The following RAB21 variants were observed in gnomAD, a reference collection of about 807,000 sequenced individuals.
The protein encoded by RAB21 is RAB21, member RAS oncogene family, also known as ras-related protein Rab-21.
RAB21 carries 13 observed loss-of-function variants against 33.1 expected under a neutral mutation model. That is an observed-to-expected ratio of 0.39 (90% CI 0.26 to 0.62). The LOEUF (loss-of-function observed/expected upper bound fraction) is 0.62. Among genes scored for constraint, RAB21 ranks in the 20% least tolerant of loss-of-function variants. The pLI, the probability that RAB21 is intolerant of heterozygous loss-of-function variation, is 0.48. For synonymous variants in RAB21, 91 were observed against 103.7 expected (o/e 0.88, Z 0.74); for missense variants, 234 against 279.1 (o/e 0.84, Z 1.15).
intron 3 of RAB21, among the ~76,000 whole-genome samples, chr12:71,773,352 G>T (rs536517657): frequency 1.4e-4 from 21 of 152,216 alleles, no homozygotes; most frequent in Non-Finnish European, 2.6e-4. Flanking sequence ...TGGGTAGGAA[G>T]TCAGGGATGT....
In RAB21 at chr12:71,786,409, A is replaced by C. The variant is rs562542679; in HGVS notation, c.*736A>C. 1 of 152,710 alleles carries C rather than the reference A, an allele frequency of 6.5e-6. No individual in the cohort carries two copies. The highest frequency in any genetic ancestry group is 1.9e-4 in the East Asian group (1 of 5,192). The allele number at this position is 152,710 out of a possible 1,614,324, so 9.5% of individuals were successfully genotyped here. On this transcript the variant is annotated 3_prime_UTR_variant, in exon 7 of 7. Coordinates refer to ENST00000261263, the MANE Select transcript of RAB21 (RefSeq NM_014999.4). The stretch of plus-strand genomic sequence containing the variant: ...TGGTAGTTGAAATTGTATCACTTCT[A>C]AACAGCAAACTGTTTTTGTTTTTAA...
chr12:71,781,500 C>T (rs1883199958), intron 4 of RAB21, among the ~76,000 whole-genome samples: 2 of 152,030 alleles, frequency 1.3e-5, no homozygotes, highest in South Asian at 4.1e-4. Context: ...AGTTTTTCCC[C>T]TTATGATTGT....
At chr12:71,775,683 C>T (rs900948764) in intron 4 of RAB21, among the ~76,000 whole-genome samples, 7 of 152,158 alleles carry the variant, frequency 4.6e-5, no homozygotes, top group African/African-American at 1.4e-4. Flanking sequence ...ACTACAGGCA[C>T]GCACCACCAC....
At chr12:71,760,233 C>A (rs542352405) in intron 1 of RAB21, among the ~76,000 whole-genome samples, 1 of 152,080 alleles carries the variant, frequency 6.6e-6, no homozygotes, top group African/African-American at 2.4e-5. Flanking sequence ...TCTACATTTC[C>A]GGAATTCACT....
chr12:71,784,268 A>C (rs1282840046), intron 6 of RAB21, among the ~76,000 whole-genome samples: 3 of 151,944 alleles, frequency 2.0e-5, no homozygotes, highest in African/African-American at 7.3e-5. Context: ...CATTTTTCTT[A>C]CCTGTGTCTC....
intron 1 of RAB21, among the ~76,000 whole-genome samples, chr12:71,763,328 G>A (rs758660619): frequency 3.9e-5 from 6 of 152,094 alleles, no homozygotes; most frequent in Non-Finnish European, 5.9e-5. Context: ...AGCAAGCACA[G>A]CAAATGGTCC....
At chr12:71,770,114 T>A (rs1883020074) in intron 2 of RAB21, among the ~76,000 whole-genome samples, 1 of 152,134 alleles carries the variant, frequency 6.6e-6, no homozygotes, top group African/African-American at 2.4e-5. Flanking sequence ...TGCCTGGCCT[T>A]TTTTTCCCCA....
intron 1 of RAB21, among the ~76,000 whole-genome samples, chr12:71,763,758 C>T (rs1315738487): frequency 6.6e-6 from 1 of 152,020 alleles, no homozygotes; most frequent in African/African-American, 2.4e-5. Flanking sequence ...TTGTGCCTAC[C>T]CTGAGAATAT....
chr12:71,781,900 A>T (rs1036095237), intron 4 of RAB21, 131 bp from the exon 5 acceptor site: 2 of 655,470 alleles, frequency 3.1e-6, no homozygotes, highest in Non-Finnish European at 5.3e-6. Context: ...ATTTCAAGAC[A>T]TTAGAAGTCT....
At position 71,791,968 on chromosome 12, in the gene RAB21, A is replaced by C. The variant is rs1331152500; in HGVS notation, c.*6295A>C. 17 of 152,194 alleles carry C rather than the reference A, an allele frequency of 1.1e-4. No individual in the cohort carries two copies. The highest frequency in any genetic ancestry group is 2.5e-4 in the Non-Finnish European group (17 of 68,068). The allele number at this position is 152,194 out of a possible 1,614,324, so 9.4% of individuals were successfully genotyped here. Reference sequence around the variant, plus strand: ...CAGCCTCAAACTCCTGGGCTTAAGCAATCCTCCCACCTCAGACTTCGAAGT... The same window carrying C: ...CAGCCTCAAACTCCTGGGCTTAAGCCATCCTCCCACCTCAGACTTCGAAGT... On this transcript the variant is annotated 3_prime_UTR_variant, in exon 7 of 7. Coordinates refer to ENST00000261263, the MANE Select transcript of RAB21 (RefSeq NM_014999.4).
At chr12:71,760,880 G>A (rs1882862719) in intron 1 of RAB21, among the ~76,000 whole-genome samples, 1 of 152,114 alleles carries the variant, frequency 6.6e-6, no homozygotes, top group Non-Finnish European at 1.5e-5. Flanking sequence ...TAGGCAGGTA[G>A]TATCCTAACA....
intron 2 of RAB21, 149 bp downstream of exon 2, chr12:71,770,008 T>A (rs1365556323): frequency 2.4e-6 from 1 of 421,058 alleles, no homozygotes; most frequent in Non-Finnish European, 4.1e-6. Flanking sequence ...GGAATATAAT[T>A]GTATATTTGA....
In RAB21 at chr12:71,781,800, G is replaced by A. The variant is rs576004003; in HGVS notation, c.392-231G>A. Reference sequence around the variant, plus strand: ...TTTGGAAAAGTTGTTTTCTTTGTCAGAGGCTGCAGATTCAGGAAAGGTATG... The same window carrying A: ...TTTGGAAAAGTTGTTTTCTTTGTCAAAGGCTGCAGATTCAGGAAAGGTATG... On this transcript the variant is annotated intron_variant, in intron 4 of 6. Transcript: ENST00000261263. Among the ~76,000 whole-genome samples the A allele has an allele frequency of 4.6e-5, 7 of 152,280 alleles. No homozygotes were observed. The East Asian group carries it at 1.2e-3, about 25-fold the overall frequency.
rs1203121928 is a variant in RAB21 at position 71,790,497 on chromosome 12, A to G, written c.*4824A>G. 6.6e-6 allele frequency: 1 copy of G among 152,170 alleles called. No homozygotes were observed. Among genetic ancestry groups the G allele is most frequent in the Non-Finnish European group, 1.5e-5 (1 of 68,022 alleles). 9.4% of individuals were successfully genotyped at this position (152,170 alleles called of 1,614,324 possible). The stretch of plus-strand genomic sequence containing the variant: ...GCTTTAGTAGCAAGCTATTTTAAGG[A>G]AATCATTGTATGTGGTACTTCCTAG... On this transcript the variant is annotated 3_prime_UTR_variant, in exon 7 of 7. Transcript: ENST00000261263.
chr12:71,783,626 G>C (rs955823286), intron 6 of RAB21, among the ~76,000 whole-genome samples: 1 of 152,086 alleles, frequency 6.6e-6, no homozygotes, highest in Non-Finnish European at 1.5e-5. Flanking sequence ...CAAGCCTGCC[G>C]AATCAGAATT....
Position 71,790,874 on chromosome 12 carries a change from CT to C in RAB21, c.*5211del, listed in dbSNP as rs139986106. The stretch of plus-strand genomic sequence containing the variant: ...TTCTATGGATGTGTCTTGCCTTTTT[CT>C]TTTTTTTTTCTTTCTTTTTTTCTTT... On this transcript the variant is annotated 3_prime_UTR_variant, in exon 7 of 7. Coordinates refer to ENST00000261263, the MANE Select transcript of RAB21 (RefSeq NM_014999.4). 0.32 allele frequency: 47,617 copies of C among 149,008 alleles called. 10,926 individuals are homozygous for C. The highest frequency in any genetic ancestry group is 0.63 in the African/African-American group (25,765 of 40,926). 9.2% of individuals were successfully genotyped at this position (149,008 alleles called of 1,614,324 possible).
chr12:71,776,474 T>C (rs1194324897), intron 4 of RAB21, among the ~76,000 whole-genome samples: 1 of 152,160 alleles, frequency 6.6e-6, no homozygotes, highest in Non-Finnish European at 1.5e-5. Context: ...ATATTTTTAA[T>C]GTTCATATTA....
intron 6 of RAB21, among the ~76,000 whole-genome samples, chr12:71,783,765 T>C (rs1883238197): frequency 6.6e-6 from 1 of 152,176 alleles, no homozygotes; most frequent in South Asian, 2.1e-4. Flanking sequence ...TTTGATTTAA[T>C]AGGTGTGGGA....
intron 4 of RAB21, among the ~76,000 whole-genome samples, chr12:71,774,936 A>G (rs1024561792): frequency 6.6e-6 from 1 of 152,084 alleles, no homozygotes; most frequent in Non-Finnish European, 1.5e-5. Context: ...AAAAAAGTTT[A>G]GTAACTACTT....
Sources: allele counts gnomAD v4.1 joint callset (sites outside exome capture counted in the v4.1 genomes callset), GRCh38; gene constraint gnomAD v4.1.1; transcripts MANE v1.5; gene names NCBI Gene and HGNC (gene_info 2026-07-23, HGNC 2026-07-21).